Variants in GPC6 observed in about 807,000 individuals in gnomAD.
GPC6 encodes glypican-6.
GPC6 carries 14 observed loss-of-function variants against 55.2 expected under a neutral mutation model. The ratio of observed to expected loss-of-function variants is 0.25; its 90% confidence interval spans 0.17 to 0.40. GPC6 has a LOEUF of 0.40. GPC6 is among the 10% of genes least tolerant of loss of function. The probability of loss-of-function intolerance (pLI) is 1.00; values close to 1 mark genes in which losing one functional copy is unlikely to be tolerated. For synonymous variants in GPC6, 278 were observed against 259.6 expected (o/e 1.07, Z -0.68); for missense variants, 641 against 708.5 (o/e 0.90, Z 1.08).
At position 94,335,421 on chromosome 13, in the gene GPC6, T is replaced by G. The variant is rs115231521; in HGVS notation, c.1152+29298T>G. Among the ~76,000 whole-genome samples, 366 of 152,236 alleles carry G rather than the reference T, an allele frequency of 2.4e-3. 1 individual carries two copies. The highest frequency in any genetic ancestry group is 8.4e-3 in the African/African-American group (348 of 41,546). On this transcript the variant is annotated intron_variant, in intron 6 of 8. Transcript: ENST00000377047. Reference sequence around the variant, plus strand: ...TTGATATATAATCCTTGCCAAGAAGTAGTATCAGGTACAATCACAAACATA... The same window carrying G: ...TTGATATATAATCCTTGCCAAGAAGGAGTATCAGGTACAATCACAAACATA...
At chr13:93,486,208 A>G (rs1450926775) in intron 1 of GPC6, among the ~76,000 whole-genome samples, 1 of 152,210 alleles carries the variant, frequency 6.6e-6, no homozygotes, top group East Asian at 1.9e-4. Flanking sequence ...AACAGGAATC[A>G]TTTCAGTTGG....
intron 4 of GPC6, among the ~76,000 whole-genome samples, chr13:94,197,349 C>T (rs182609763): frequency 1.7e-4 from 26 of 152,304 alleles, no homozygotes; most frequent in African/African-American, 3.8e-4. Context: ...GGAGCTATAA[C>T]GGTATTAGCC....
intron 1 of GPC6, among the ~76,000 whole-genome samples, chr13:93,262,671 A>T (rs187440385): frequency 1.3e-5 from 2 of 152,188 alleles, no homozygotes; most frequent in South Asian, 4.1e-4. Flanking sequence ...TTATCTGGAA[A>T]TGTATTCCAT....
At chr13:93,944,258 C>T (rs1878887527) in intron 3 of GPC6, among the ~76,000 whole-genome samples, 4 of 151,798 alleles carry the variant, frequency 2.6e-5, no homozygotes, top group Admixed American at 2.6e-4. Flanking sequence ...GGCTGGAGTG[C>T]AGTGGCGCCA....
chr13:93,391,487 G>A (rs965553825), intron 1 of GPC6, among the ~76,000 whole-genome samples: 17 of 152,264 alleles, frequency 1.1e-4, no homozygotes, highest in African/African-American at 4.1e-4. Flanking sequence ...CCACGACTTG[G>A]TTGTACACTA....
At chr13:93,379,459 A>G (rs952635581) in intron 1 of GPC6, among the ~76,000 whole-genome samples, 1 of 152,186 alleles carries the variant, frequency 6.6e-6, no homozygotes, top group African/African-American at 2.4e-5. Flanking sequence ...ATATTATACC[A>G]ATAGATTCAT....
intron 2 of GPC6, among the ~76,000 whole-genome samples, chr13:93,647,677 A>G (rs900389719): frequency 1.1e-4 from 16 of 152,312 alleles, no homozygotes; most frequent in East Asian, 5.8e-4. Flanking sequence ...TGATTCTTCC[A>G]TAACTGTCAC....
intron 3 of GPC6, among the ~76,000 whole-genome samples, chr13:94,013,188 AT>A (rs769084442): frequency 6.7e-6 from 1 of 149,768 alleles, no homozygotes; most frequent in Non-Finnish European, 1.5e-5. Flanking sequence ...TGAATGAAAA[AT>A]ATCCATTCTT....
chr13:94,174,609 T>A (rs767432725), intron 4 of GPC6, among the ~76,000 whole-genome samples: 3 of 152,008 alleles, frequency 2.0e-5, no homozygotes, highest in African/African-American at 7.2e-5. Context: ...AAGAAAAAAA[T>A]ACAGACATTC....
intron 2 of GPC6, among the ~76,000 whole-genome samples, chr13:93,696,661 G>A (rs907941270): frequency 8.1e-6 from 1 of 123,776 alleles, no homozygotes; most frequent in East Asian, 2.2e-4. Flanking sequence ...TTGCTCTTTT[G>A]CCCAGACTGG....
At chr13:93,248,961 C>T (rs959048997) in intron 1 of GPC6, among the ~76,000 whole-genome samples, 1 of 152,164 alleles carries the variant, frequency 6.6e-6, no homozygotes, top group Non-Finnish European at 1.5e-5. Flanking sequence ...TCCAGCTGAG[C>T]AGCAGATGTA....
At chr13:94,134,980 C>T (rs1056805307) in intron 4 of GPC6, among the ~76,000 whole-genome samples, 6 of 152,172 alleles carry the variant, frequency 3.9e-5, no homozygotes, top group South Asian at 4.1e-4. Context: ...GTCACCCACT[C>T]GTAACAGAAA....
intron 6 of GPC6, among the ~76,000 whole-genome samples, chr13:94,310,507 C>T (rs1039934832): frequency 3.9e-5 from 6 of 151,996 alleles, no homozygotes; most frequent in Admixed American, 1.3e-4. Context: ...TTTTCTTTTT[C>T]CTTTAAATTT....
At chr13:93,881,689 C>T (rs1874983746) in intron 3 of GPC6, among the ~76,000 whole-genome samples, 1 of 151,856 alleles carries the variant, frequency 6.6e-6, no homozygotes, top group Non-Finnish European at 1.5e-5. Flanking sequence ...ATCTCTGTAT[C>T]CATCCGTGTT....
intron 1 of GPC6, among the ~76,000 whole-genome samples, chr13:93,490,247 T>C (rs1186155128): frequency 6.6e-6 from 1 of 151,530 alleles, no homozygotes; most frequent in African/African-American, 2.4e-5. Flanking sequence ...TGTCTTTGGT[T>C]CTGTTTACCA....
intron 2 of GPC6, among the ~76,000 whole-genome samples, chr13:93,586,839 T>A (rs1877224572): frequency 6.6e-6 from 1 of 152,236 alleles, no homozygotes; most frequent in Non-Finnish European, 1.5e-5. Context: ...AGCTTCATTC[T>A]TACCAAATTT....
At chr13:94,101,830 T>G (rs1321129128) in intron 4 of GPC6, among the ~76,000 whole-genome samples, 1 of 151,912 alleles carries the variant, frequency 6.6e-6, no homozygotes, top group East Asian at 1.9e-4. Context: ...AGTCATGTGC[T>G]CATATTCCAA....
intron 3 of GPC6, among the ~76,000 whole-genome samples, chr13:93,956,862 A>G (rs1879531152): frequency 6.6e-6 from 1 of 152,216 alleles, no homozygotes; most frequent in Admixed American, 6.5e-5. Context: ...AAATGGTTAC[A>G]GAAAATCCTT....
chr13:93,621,157 T>C (rs1318514811), intron 2 of GPC6, among the ~76,000 whole-genome samples: 1 of 152,078 alleles, frequency 6.6e-6, no homozygotes, highest in Non-Finnish European at 1.5e-5. Flanking sequence ...CTCTCTATAA[T>C]TACTCAAGAG....
Sources: gnomAD v4.1 joint callset for allele counts (sites outside exome capture counted in the v4.1 genomes callset) on GRCh38, gnomAD v4.1.1 for gene constraint, MANE v1.5 for transcripts, NCBI Gene and HGNC (gene_info 2026-07-23, HGNC 2026-07-21) for gene names.